The following CFAP210 variants were observed in gnomAD, a reference collection of about 807,000 sequenced individuals.
CFAP210 encodes cilia- and flagella- associated protein 210.
chr2:169,661,129 T>C, the CFAP210 span: 3 of 564,094 alleles, frequency 5.3e-6, no homozygotes, highest in East Asian at 1.4e-4. Context: ...TTCTAACCGC[T>C]GAGACAATTC....
the CFAP210 span, among the ~76,000 whole-genome samples, chr2:169,678,736 A>T: frequency 6.6e-6 from 1 of 152,058 alleles, no homozygotes; most frequent in African/African-American, 2.4e-5. Context: ...GAGGCAGGAG[A>T]ATTGCTTGAA....
chr2:169,661,005 T>C, the CFAP210 span: 1 of 483,078 alleles, frequency 2.1e-6, no homozygotes, highest in East Asian at 5.3e-5. Flanking sequence ...CAAACCAGAG[T>C]GTGAAATGAA....
chr2:169,681,397 A>G, the CFAP210 span: 3 of 669,548 alleles, frequency 4.5e-6, no homozygotes, highest in Non-Finnish European at 2.6e-6. Flanking sequence ...AAAAAAATAC[A>G]AAGCCTTGAA....
the CFAP210 span, among the ~76,000 whole-genome samples, chr2:169,691,856 T>C: frequency 1.3e-5 from 2 of 152,318 alleles, no homozygotes; most frequent in African/African-American, 4.8e-5. Context: ...ATGTGGCCAC[T>C]GGAGTCACTG....
At chr2:169,655,606 A>AC in the CFAP210 span, among the ~76,000 whole-genome samples, 1 of 151,834 alleles carries the variant, frequency 6.6e-6, no homozygotes, top group Non-Finnish European at 1.5e-5. Context: ...ATAATACAAA[A>AC]AATACAGATT....
chr2:169,662,277 T>C, the CFAP210 span: 1 of 1,591,194 alleles, frequency 6.3e-7, no homozygotes, highest in Non-Finnish European at 8.5e-7. Flanking sequence ...CCTTTCAACT[T>C]ACAAGAAACC....
the CFAP210 span, among the ~76,000 whole-genome samples, chr2:169,673,010 T>C: frequency 6.6e-6 from 1 of 151,998 alleles, no homozygotes; most frequent in Non-Finnish European, 1.5e-5. Context: ...AATAGAACAG[T>C]TGAGAGTACA....
At chr2:169,692,264 T>C in the CFAP210 span, among the ~76,000 whole-genome samples, 1 of 152,192 alleles carries the variant, frequency 6.6e-6, no homozygotes, top group Non-Finnish European at 1.5e-5. Flanking sequence ...TTCATGCTGT[T>C]ATAACAGAAT....
chr2:169,681,133 T>C, the CFAP210 span: 6 of 1,613,950 alleles, frequency 3.7e-6, no homozygotes, highest in Non-Finnish European at 5.1e-6. Context: ...CTTGAATCCT[T>C]TTCCACTCAT....
the CFAP210 span, chr2:169,681,119 C>T: frequency 6.2e-7 from 1 of 1,613,938 alleles, no homozygotes; most frequent in South Asian, 1.1e-5. Flanking sequence ...CCTGTCAAGG[C>T]TATCTTGAAT....
chr2:169,668,388 C>T, the CFAP210 span, among the ~76,000 whole-genome samples: 1 of 152,200 alleles, frequency 6.6e-6, no homozygotes, highest in Non-Finnish European at 1.5e-5. Flanking sequence ...GGCTGTTTGG[C>T]TCTCTTATCA....
chr2:169,691,644 C>T, the CFAP210 span, among the ~76,000 whole-genome samples: 1 of 152,208 alleles, frequency 6.6e-6, no homozygotes, highest in African/African-American at 2.4e-5. Context: ...ATTTCAAAGA[C>T]ACTTTCTATT....
At chr2:169,677,846 T>C in the CFAP210 span, among the ~76,000 whole-genome samples, 299 of 152,260 alleles carry the variant, frequency 2.0e-3, no homozygotes, top group African/African-American at 6.8e-3. Flanking sequence ...GGACTAGAAC[T>C]AATAAGTGAG....
the CFAP210 span, among the ~76,000 whole-genome samples, chr2:169,657,038 T>C: frequency 6.7e-6 from 1 of 149,452 alleles, no homozygotes; most frequent in Non-Finnish European, 1.5e-5. Context: ...TCTTAGTCCC[T>C]GTTAATTCTA....
the CFAP210 span, chr2:169,650,656 T>C: frequency 8.9e-7 from 1 of 1,118,200 alleles, no homozygotes; most frequent in Non-Finnish European, 1.2e-6. Context: ...TCCTTACATA[T>C]ATTATTTTAA....
At chr2:169,679,286 G>C in the CFAP210 span, among the ~76,000 whole-genome samples, 1 of 152,184 alleles carries the variant, frequency 6.6e-6, no homozygotes, top group Non-Finnish European at 1.5e-5. Flanking sequence ...CAGGTAAATT[G>C]CAAGTCACAA....
At chr2:169,650,434 A>G in the CFAP210 span, 1 of 1,606,734 alleles carries the variant, frequency 6.2e-7, no homozygotes, top group South Asian at 1.1e-5. Context: ...CAATATCTCT[A>G]GCAATAATCA....
chr2:169,693,419 C>T, the CFAP210 span, among the ~76,000 whole-genome samples: 2 of 152,362 alleles, frequency 1.3e-5, no homozygotes, highest in South Asian at 4.1e-4. Flanking sequence ...TGGCAAAAGT[C>T]CGCTGCTAAC....
At chr2:169,684,452 C>T in the CFAP210 span, among the ~76,000 whole-genome samples, 5 of 152,186 alleles carry the variant, frequency 3.3e-5, no homozygotes, top group Non-Finnish European at 7.3e-5. Context: ...ACTCTGTATG[C>T]ATTAGCAGTC....
Sources: allele counts gnomAD v4.1 joint callset (sites outside exome capture counted in the v4.1 genomes callset), GRCh38; gene constraint gnomAD v4.1.1; transcripts MANE v1.5; gene names NCBI Gene and HGNC (gene_info 2026-07-23, HGNC 2026-07-21).